The following PTPRD variants were observed in gnomAD, a reference collection of about 807,000 sequenced individuals.
PTPRD encodes the protein protein tyrosine phosphatase receptor type D, also known as receptor-type tyrosine-protein phosphatase delta.
A neutral mutation model predicts 214.5 loss-of-function variants in PTPRD; 34 were observed. That is an observed-to-expected ratio of 0.16 (90% confidence interval 0.12 to 0.21). The LOEUF (loss-of-function observed/expected upper bound fraction) is 0.21. Ranked by LOEUF, PTPRD falls within the 10% of genes least tolerant of loss-of-function variation. PTPRD has a pLI of 1.00. For missense variants in PTPRD, 2,545 were observed against 2,398.7 expected (o/e 1.06, Z -1.27); for synonymous variants, 1,128 against 845.7 (o/e 1.33, Z -5.79).
intron 9 of PTPRD, among the ~76,000 whole-genome samples, chr9:9,229,450 T>C (rs1200005986): frequency 6.6e-6 from 1 of 152,124 alleles, no homozygotes; most frequent in Non-Finnish European, 1.5e-5. Context: ...ATGAATAATC[T>C]GTAATCCTTC....
At chr9:9,895,463 TATA>T (rs1317132935) in intron 5 of PTPRD, among the ~76,000 whole-genome samples, 2 of 152,032 alleles carry the variant, frequency 1.3e-5, no homozygotes, top group African/African-American at 2.4e-5. Context: ...TTTTTGCTGT[TATA>T]ATGATTATTT....
At chr9:9,984,990 A>T (rs928892875) in intron 4 of PTPRD, among the ~76,000 whole-genome samples, 4 of 152,196 alleles carry the variant, frequency 2.6e-5, no homozygotes, top group African/African-American at 9.6e-5. Flanking sequence ...TAAAGGAGAG[A>T]TGCTTAAAGG....
intron 39 of PTPRD, among the ~76,000 whole-genome samples, chr9:8,350,507 T>C (rs1443537089): frequency 1.3e-5 from 2 of 152,342 alleles, no homozygotes; most frequent in Admixed American, 6.5e-5. Context: ...CTCAGGTTTA[T>C]AAGATTAATT....
intron 10 of PTPRD, among the ~76,000 whole-genome samples, chr9:9,020,380 T>C (rs1227533904): frequency 6.6e-6 from 1 of 152,124 alleles, no homozygotes; most frequent in African/African-American, 2.4e-5. Context: ...GAGACAGTGA[T>C]TGGAAGCGGA....
At chr9:10,274,407 T>C (rs10809057) in intron 3 of PTPRD, among the ~76,000 whole-genome samples, 12,023 of 152,106 alleles carry the variant, frequency 0.079, 613 homozygotes, top group Non-Finnish European at 0.11. Context: ...ATATAGTGCC[T>C]CAAAAACGAC....
chr9:9,064,487 C>T (rs1344558514), intron 10 of PTPRD, among the ~76,000 whole-genome samples: 1 of 152,114 alleles, frequency 6.6e-6, no homozygotes, highest in Non-Finnish European at 1.5e-5. Flanking sequence ...TTTGATTGAT[C>T]TGATTCAGTA....
intron 3 of PTPRD, among the ~76,000 whole-genome samples, chr9:10,183,797 T>C (rs2099314584): frequency 6.6e-6 from 1 of 152,192 alleles, no homozygotes; most frequent in Non-Finnish European, 1.5e-5. Flanking sequence ...TCAAAGCCTT[T>C]TTAGTGATGA....
chr9:10,346,978 C>G (rs532913321), intron 2 of PTPRD, among the ~76,000 whole-genome samples: 2 of 151,976 alleles, frequency 1.3e-5, no homozygotes, highest in African/African-American at 4.8e-5. Flanking sequence ...TACAATAAAC[C>G]AAATGTTTAA....
chr9:9,975,052 G>A (rs1047217624), intron 4 of PTPRD, among the ~76,000 whole-genome samples: 32 of 144,620 alleles, frequency 2.2e-4, no homozygotes, highest in Non-Finnish European at 4.2e-4. Flanking sequence ...GGAGAAGGTC[G>A]TATCACAATC....
intron 11 of PTPRD, among the ~76,000 whole-genome samples, chr9:8,933,549 T>C (rs1289834463): frequency 6.6e-6 from 1 of 151,954 alleles, no homozygotes; most frequent in Non-Finnish European, 1.5e-5. Context: ...AGTTTTCTAA[T>C]GCATGTGACT....
chr9:8,717,762 T>C (rs2098452415), intron 12 of PTPRD, among the ~76,000 whole-genome samples: 1 of 152,222 alleles, frequency 6.6e-6, no homozygotes, highest in African/African-American at 2.4e-5. Flanking sequence ...TTTATCAAGT[T>C]GAGAATCACC....
intron 12 of PTPRD, among the ~76,000 whole-genome samples, chr9:8,690,976 G>T (rs1217813156): frequency 1.3e-5 from 2 of 152,084 alleles, no homozygotes; most frequent in Non-Finnish European, 2.9e-5. Flanking sequence ...ATCAAGGGAG[G>T]TATTAGTAAA....
At chr9:9,045,716 T>C (rs541511267) in intron 10 of PTPRD, among the ~76,000 whole-genome samples, 1 of 152,312 alleles carries the variant, frequency 6.6e-6, no homozygotes, top group Non-Finnish European at 1.5e-5. Context: ...TGTGAACACA[T>C]TGTCTTCCTG....
chr9:10,188,281 A>C (rs2099347055), intron 3 of PTPRD, among the ~76,000 whole-genome samples: 1 of 152,156 alleles, frequency 6.6e-6, no homozygotes, highest in South Asian at 2.1e-4. Context: ...ATTAAAGTAT[A>C]ACTCATGAAA....
At chr9:8,960,922 T>C in intron 11 of PTPRD, among the ~76,000 whole-genome samples, 1 of 152,268 alleles carries the variant, frequency 6.6e-6, no homozygotes, top group East Asian at 1.9e-4. Context: ...AATCTATTCA[T>C]TAATATTTAT....
At chr9:8,742,108 A>T (rs1333753875) in intron 11 of PTPRD, among the ~76,000 whole-genome samples, 3 of 152,132 alleles carry the variant, frequency 2.0e-5, no homozygotes, top group East Asian at 3.9e-4. Flanking sequence ...ACATCAAGCT[A>T]TAAGACATTA....
intron 39 of PTPRD, 81 bp downstream of exon 39, chr9:8,375,855 T>G (rs895169432): frequency 6.8e-7 from 1 of 1,478,622 alleles, no homozygotes; most frequent in Admixed American, 2.1e-5. Context: ...TATTCCAGAA[T>G]GTCAAGAAGT....
rs1474318533 is a variant in PTPRD, at chr9:9,443,084, C to A, written c.-236-45602G>T. Among the ~76,000 whole-genome samples, 11 of 151,994 alleles carry A rather than the reference C, an allele frequency of 7.2e-5. 1 individual carries two copies. In the South Asian group the frequency reaches 1.7e-3, roughly 23 times the overall value. ...AAGTAGAATTATGCAACAAAATCTG[C>A]ATCACAGAAGAAAATTGAACCCAAT... On this transcript the variant is annotated intron_variant, in intron 8 of 45. Transcript: ENST00000381196.
At chr9:8,358,193 C>T (rs763329487) in intron 39 of PTPRD, among the ~76,000 whole-genome samples, 5 of 152,024 alleles carry the variant, frequency 3.3e-5, no homozygotes, top group Non-Finnish European at 7.4e-5. Flanking sequence ...GTATCTCTAA[C>T]GGTTGAAAGT....
Sources: allele counts gnomAD v4.1 joint callset (sites outside exome capture counted in the v4.1 genomes callset), GRCh38; gene constraint gnomAD v4.1.1; transcripts MANE v1.5; gene names NCBI Gene and HGNC (gene_info 2026-07-23, HGNC 2026-07-21).